Variants in MICALL2 observed in about 807,000 individuals in gnomAD.
MICALL2 encodes the protein MICAL-like protein 2.
In MICALL2, 111 loss-of-function variants were observed where a neutral mutation model predicts 91.1. The observed-to-expected ratio is 1.22, with a 90% CI of 1.04 to 1.43. The LOEUF (loss-of-function observed/expected upper bound fraction) is 1.43, where lower values mean the gene tolerates loss of function less well. Among genes scored for constraint, MICALL2 ranks in the 40% most tolerant of loss-of-function variants. MICALL2 has a pLI of 0.00. For missense variants in MICALL2, 1,556 were observed against 1,236.0 expected, an observed-to-expected ratio of 1.26 and a Z score of -3.88; for synonymous variants, 694 against 525.3, an observed-to-expected ratio of 1.32 and a Z score of -4.39.
Position 1,437,996 on chromosome 7 carries a change from A to C in MICALL2, c.2312-16T>G, listed in dbSNP as rs1562447096. The C allele has an allele frequency of 3.2e-6, 5 of 1,550,842 alleles. No individual in the cohort carries two copies. The Admixed American group carries it at 7.8e-5, about 24-fold the overall frequency. On this transcript the variant is annotated splice_polypyrimidine_tract_variant and intron_variant, in intron 12 of 16. Coordinates refer to ENST00000297508, the MANE Select transcript of MICALL2 (RefSeq NM_182924.4). ...TCAGCGTCATCTGGGGAGAGGAGCCAGCTGGGGCAGGGGGGCCCGCCAGAG... is the reference window on the plus strand; with the variant it reads ...TCAGCGTCATCTGGGGAGAGGAGCCCGCTGGGGCAGGGGGGCCCGCCAGAG...
rs540718647 is a variant in MICALL2 at position 1,434,528 on chromosome 7, C to T, written c.*68G>A. ...TACAAGTCCGGGTTCCGGGTCCGGG[C>T]CAAGCCCATGGCCCCGAGTCCAAGT... is the stretch of plus-strand genomic sequence containing the variant. On this transcript the variant is annotated 3_prime_UTR_variant, in exon 17 of 17. Coordinates refer to ENST00000297508, the MANE Select transcript of MICALL2 (RefSeq NM_182924.4). 3.5e-6 allele frequency: 5 copies of T among 1,419,226 alleles called. No homozygotes were observed. In the Admixed American group the frequency reaches 6.7e-5, roughly 19 times the overall value. The allele number at this position is 1,419,226 out of a possible 1,614,324, so 87.9% of individuals were successfully genotyped here.
Position 1,445,095 on chromosome 7 carries a change from G to C in MICALL2, c.975C>G (p.Ser325Arg). Residue 325 changes from serine to arginine, a missense_variant, in exon 6 of 17, where the codon AGC becomes AGG. By Grantham distance (110) the Ser-to-Arg change is moderately radical. Transcript: ENST00000297508. ...HVRSPARPSESRLAPTPTEGK... is the reference protein window; with the variant it reads ...HVRSPARPSERRLAPTPTEGK... ...CCTCCGTGGGAGTGGGGGCCAGGCG[G>C]CTCTCAGAGGGCCTGGCTGGGCTCC... 1 of 1,552,500 alleles carries C rather than the reference G, an allele frequency of 6.4e-7. No homozygotes were observed. The highest frequency in any genetic ancestry group is 1.2e-5 in the South Asian group (1 of 84,494).
In MICALL2 at chr7:1,435,736, C is replaced by T. The variant is rs948335500; in HGVS notation, c.2592-589G>A. Among the ~76,000 whole-genome samples the T allele has an allele frequency of 9.6e-4, 146 of 152,306 alleles. 1 individual carries two copies. The highest frequency in any genetic ancestry group is 1.6e-4 in the Non-Finnish European group (11 of 68,026). On this transcript the variant is annotated intron_variant, in intron 15 of 16. Transcript: ENST00000297508. ...GTCCGTGCAGGAGCCAGGAGACGCA[C>T]GTGGCCTTGGAAGTTCAAGTTAAAA...
chr7:1,453,922 T>C (rs916215290), intron 1 of MICALL2, among the ~76,000 whole-genome samples: 2 of 152,204 alleles, frequency 1.3e-5, no homozygotes, highest in Non-Finnish European at 2.9e-5. Flanking sequence ...GGAATGAATT[T>C]GCCGTCTGTG....
rs768545740 is a variant in MICALL2, at chr7:1,444,734, C to T, written c.1336G>A (p.Asp446Asn). 16 of 1,612,386 alleles carry T rather than the reference C, an allele frequency of 9.9e-6. No individual in the cohort carries two copies. Among genetic ancestry groups the T allele is most frequent in the South Asian group, 9.9e-5 (9 of 91,084 alleles). The change falls in exon 6 of 17, where the codon GAC becomes AAC. Residue 446 changes from aspartate (D) to asparagine (N), a missense_variant. Asp to Asn is a conservative substitution (Grantham distance 23). Transcript: ENST00000297508. ...TTCCGCGCCTGCTCCTTGCTGCTGT[C>T]CTTGGATAGAACAAGTGACGGGGTG... ...GPTPSLVLSK[D>N]SSKEQARNFL...
intron 5 of MICALL2, 90 bp downstream of exon 5, chr7:1,446,623 G>A (rs1780604626): frequency 3.4e-6 from 3 of 871,296 alleles, no homozygotes; most frequent in East Asian, 5.4e-5. Flanking sequence ...GAGCGGGGAG[G>A]AGGAGGCCGG....
At chr7:1,435,982 G>A (rs978149293) in intron 15 of MICALL2, among the ~76,000 whole-genome samples, 7 of 149,974 alleles carry the variant, frequency 4.7e-5, no homozygotes, top group African/African-American at 1.7e-4. Flanking sequence ...AACCCTGGAG[G>A]CAGAGCTTGC....
chr7:1,440,128 AG>A (rs59814665), intron 8 of MICALL2, 43 bp from the exon 9 acceptor site: 288,952 of 1,563,030 alleles, frequency 0.18, 31,877 homozygotes, highest in African/African-American at 0.51. Flanking sequence ...CACCAGCCCC[AG>A]GGCCTGGCCC....
rs1342838645 is a variant in MICALL2 at position 1,437,534 on chromosome 7, C to A, written c.2476+1G>T. 5.3e-6 allele frequency: 8 copies of A among 1,523,472 alleles called. No homozygotes were observed. The highest frequency in any genetic ancestry group is 7.0e-6 in the Non-Finnish European group (8 of 1,142,444). 94.4% of individuals were successfully genotyped at this position (1,523,472 alleles called of 1,614,324 possible). Reference sequence around the variant, plus strand: ...CCTTGGCTGGCGCGCGGGGGACGCACCGGGCTTGGCCATGAGCCGGCGCAG... The same window carrying A: ...CCTTGGCTGGCGCGCGGGGGACGCAACGGGCTTGGCCATGAGCCGGCGCAG... On this transcript the variant is annotated splice_donor_variant, in intron 14 of 16. Coordinates refer to ENST00000297508, the MANE Select transcript of MICALL2 (RefSeq NM_182924.4). LOFTEE classifies it high-confidence loss of function.
rs1196059545 is a variant in MICALL2, at chr7:1,446,759, G to A, written c.595C>T (p.Gln199Ter). The A allele has an allele frequency of 1.2e-6, 2 of 1,608,314 alleles. No individual in the cohort carries two copies. Among genetic ancestry groups the A allele is most frequent in the Admixed American group, 1.7e-5 (1 of 59,664 alleles). Residue 199 changes from glutamine (Q) to a stop codon, truncating the protein, a stop_gained, in exon 5 of 17, where the codon CAG (glutamine) becomes TAG (stop). Transcript: ENST00000297508. LOFTEE classifies it high-confidence loss of function. ...AGCCTCCCGTCGGCCAGGTGCCGCT[G>A]TACCAGGTGCACGTGCTTGCCGCAG... is the stretch of plus-strand genomic sequence containing the variant. ...GVCGKHVHLV[Q>*]RHLADGRLYH...
chr7:1,434,856 G>A (rs1421471752), intron 16 of MICALL2, 184 bp from the exon 17 acceptor site: 1 of 736,282 alleles, frequency 1.4e-6, no homozygotes, highest in African/African-American at 1.8e-5. Flanking sequence ...GTGCCCCGGA[G>A]GGCTGGTCCC....
chr7:1,455,494 C>T (rs998372971), intron 1 of MICALL2, among the ~76,000 whole-genome samples: 3 of 152,318 alleles, frequency 2.0e-5, no homozygotes, highest in South Asian at 2.1e-4. Context: ...TCCTGGTGGG[C>T]GTGGCTGGGC....
rs1351365896 is a variant in MICALL2, at chr7:1,436,859, G to A, written c.2477-3C>T. ...CTCCTGCAGTGACTTCAGAGCCTCT[G>A]TGGGGATGGCTCGTCAGCAGGAGCC... On this transcript the variant is annotated splice_region_variant and splice_polypyrimidine_tract_variant and intron_variant, in intron 14 of 16. Transcript: ENST00000297508. 2 of 1,576,720 alleles carry A rather than the reference G, an allele frequency of 1.3e-6. No individual in the cohort carries two copies. The highest frequency in any genetic ancestry group is 1.8e-5 in the Admixed American group (1 of 56,390).
Position 1,438,360 on chromosome 7 carries a change from A to G in MICALL2, c.2123-7T>C. On this transcript the variant is annotated splice_region_variant and splice_polypyrimidine_tract_variant and intron_variant, in intron 10 of 16. Transcript: ENST00000297508. ...GCCGGGGACAAGGGTCTCCCTGGAG[A>G]AGGAGCAGGGTGAGCCTCTGGGACC... is the stretch of plus-strand genomic sequence containing the variant. The G allele has an allele frequency of 6.3e-7, 1 of 1,598,762 alleles. No homozygotes were observed. Among genetic ancestry groups the G allele is most frequent in the South Asian group, 1.1e-5 (1 of 88,880 alleles).
intron 6 of MICALL2, among the ~76,000 whole-genome samples, chr7:1,444,048 G>A (rs547873371): frequency 6.2e-3 from 837 of 135,896 alleles, no homozygotes; most frequent in Non-Finnish European, 0.01. Flanking sequence ...ACTCAGACCC[G>A]CCAGCGTGGG....
chr7:1,450,203 C>T, intron 2 of MICALL2, 37 bp downstream of exon 2: 1 of 1,598,086 alleles, frequency 6.3e-7, no homozygotes, highest in Non-Finnish European at 8.6e-7. Flanking sequence ...AGCAGGCTGG[C>T]TAAGCCAGCT....
rs775341230 is a variant in MICALL2, at chr7:1,436,753, C to A, written c.2580G>T (p.Glu860Asp). The change falls in exon 15 of 17, where the codon GAG (glutamate) becomes GAT (aspartate). Residue 860 changes from glutamate (E) to aspartate (D), a missense_variant. Glu to Asp is a conservative substitution (Grantham distance 45, BLOSUM62 2). Transcript: ENST00000297508. ...CACCTGCCCCTCACCGGAGCCGGTC[C>A]TCGTCCAGCGAGTCCACGATGTCAC... is the stretch of plus-strand genomic sequence containing the variant. ...DRSDIVDSLD[E>D]DRLREQEEDQ... 1.9e-6 allele frequency: 3 copies of A among 1,605,968 alleles called. No individual in the cohort carries two copies. The Admixed American group carries it at 5.0e-5, about 27-fold the overall frequency.
intron 13 of MICALL2, 87 bp downstream of exon 13, chr7:1,437,803 G>C: frequency 7.4e-7 from 1 of 1,347,234 alleles, no homozygotes. Flanking sequence ...TCTGAGGCCT[G>C]ACTCTGCGCT....
At position 1,434,677 on chromosome 7, in the gene MICALL2, G is replaced by C. The variant is rs372096109; in HGVS notation, c.2639-5C>G. The C allele has an allele frequency of 2.6e-6, 4 of 1,551,140 alleles. No homozygotes were observed. The African/African-American group carries it at 5.5e-5, about 21-fold the overall frequency. On this transcript the variant is annotated splice_region_variant and splice_polypyrimidine_tract_variant and intron_variant, in intron 16 of 16. Coordinates refer to ENST00000297508, the MANE Select transcript of MICALL2 (RefSeq NM_182924.4). The stretch of plus-strand genomic sequence containing the variant: ...TGGACTTCTTCCTCTGGAGGCCTAG[G>C]GGACAGGTGGACAGTGAGGCCGTGC...
Sources: allele counts gnomAD v4.1 joint callset (sites outside exome capture counted in the v4.1 genomes callset), GRCh38; gene constraint gnomAD v4.1.1; transcripts MANE v1.5; gene names NCBI Gene and HGNC (gene_info 2026-07-23, HGNC 2026-07-21).